The following ACOXL variants were observed in gnomAD, a reference collection of about 807,000 sequenced individuals.
ACOXL encodes acyl-CoA oxidase like.
A neutral mutation model predicts 71.9 loss-of-function variants in ACOXL; 70 were observed. The ratio of observed to expected loss-of-function variants is 0.97; its 90% confidence interval spans 0.80 to 1.19. The LOEUF is 1.19. Among genes scored for constraint, ACOXL ranks in the 50% most tolerant of loss-of-function variants. ACOXL has a pLI of 0.00. For synonymous variants in ACOXL, 253 were observed against 281.6 expected (o/e 0.90, Z 1.02); for missense variants, 703 against 736.3 (o/e 0.95, Z 0.52).
At chr2:110,904,233 G>T (rs900557) in intron 10 of ACOXL, among the ~76,000 whole-genome samples, 45,329 of 152,058 alleles carry the variant, frequency 0.3, 7,346 homozygotes, top group Middle Eastern at 0.37. Flanking sequence ...GGTGGAATGG[G>T]CTATTGGGCA....
chr2:111,117,255 A>G (rs1046277820), intron 17 of ACOXL, among the ~76,000 whole-genome samples: 4 of 152,160 alleles, frequency 2.6e-5, no homozygotes, highest in African/African-American at 7.2e-5. Context: ...GCAAAGAGAG[A>G]GGAGCGGAGG....
intron 12 of ACOXL, among the ~76,000 whole-genome samples, chr2:110,945,242 C>G (rs527346849): frequency 1.5e-4 from 23 of 151,958 alleles, no homozygotes; most frequent in African/African-American, 4.8e-4. Flanking sequence ...GATGTTAGAC[C>G]TTTGTTGAAT....
intron 10 of ACOXL, among the ~76,000 whole-genome samples, chr2:110,891,788 C>T (rs1228372496): frequency 6.6e-6 from 1 of 151,922 alleles, no homozygotes; most frequent in Non-Finnish European, 1.5e-5. Context: ...TGTTTTTGAG[C>T]AAAGTTCAGA....
At chr2:110,931,985 C>T (rs2149335390) in intron 11 of ACOXL, among the ~76,000 whole-genome samples, 1 of 152,278 alleles carries the variant, frequency 6.6e-6, no homozygotes, top group South Asian at 2.1e-4. Flanking sequence ...ATTTTCATAA[C>T]AGTTTTATTT....
rs569680414 is a variant in ACOXL at position 110,981,324 on chromosome 2, C to T, written c.1060-5784C>T. ...AGTGAGCTGAGATCGCACCACTGCA[C>T]TCCTGCCTGGGCGACAGAGTGAAAC... On this transcript the variant is annotated intron_variant, in intron 12 of 17. Transcript: ENST00000439055. 3.4e-4 allele frequency among the ~76,000 whole-genome samples: 52 copies of T among 152,344 alleles called. No individual in the cohort carries two copies. In the South Asian group the frequency reaches 0.011, roughly 32 times the overall value.
At chr2:110,865,204 C>T (rs147568893) in intron 10 of ACOXL, among the ~76,000 whole-genome samples, 7 of 152,282 alleles carry the variant, frequency 4.6e-5, no homozygotes, top group African/African-American at 1.7e-4. Flanking sequence ...AGTGCAACTG[C>T]ATGTTTTCAC....
intron 16 of ACOXL, among the ~76,000 whole-genome samples, chr2:111,071,963 T>G (rs2067362523): frequency 6.6e-6 from 1 of 152,092 alleles, no homozygotes; most frequent in South Asian, 2.1e-4. Flanking sequence ...GCCTAATAAT[T>G]ATACCAACAG....
chr2:111,111,931 A>G (rs2069995026), intron 17 of ACOXL, among the ~76,000 whole-genome samples: 1 of 152,236 alleles, frequency 6.6e-6, no homozygotes, highest in South Asian at 2.1e-4. Flanking sequence ...GACATTGTCA[A>G]AATACTTAGT....
intron 12 of ACOXL, among the ~76,000 whole-genome samples, chr2:110,944,842 A>G (rs1369056759): frequency 6.6e-6 from 1 of 152,208 alleles, no homozygotes; most frequent in Non-Finnish European, 1.5e-5. Context: ...AATGATTTAT[A>G]TTTATTTGGA....
intron 9 of ACOXL, among the ~76,000 whole-genome samples, chr2:110,815,609 T>C (rs1044132362): frequency 6.6e-6 from 1 of 152,212 alleles, no homozygotes; most frequent in Non-Finnish European, 1.5e-5. Flanking sequence ...TGTGAAGATA[T>C]GTGGCTTTTC....
chr2:110,863,776 A>G (rs1263916772), intron 10 of ACOXL, among the ~76,000 whole-genome samples: 2 of 151,820 alleles, frequency 1.3e-5, no homozygotes, highest in Non-Finnish European at 2.9e-5. Context: ...CTGTGGGGGG[A>G]GGGTGCATAT....
intron 11 of ACOXL, 115 bp downstream of exon 11, chr2:110,909,020 C>A: frequency 2.5e-6 from 2 of 792,386 alleles, no homozygotes; most frequent in South Asian, 4.6e-5. Context: ...AGGAAAGAGT[C>A]TGTTGTTAAA....
intron 14 of ACOXL, chr2:111,017,809 G>A (rs536649662): frequency 1.3e-5 from 2 of 152,370 alleles, no homozygotes; most frequent in Admixed American, 6.5e-5. Context: ...GTTAGGTAGT[G>A]TGGTTCTGGT....
chr2:110,805,461 C>T, intron 9 of ACOXL, 66 bp downstream of exon 9: 1 of 1,598,958 alleles, frequency 6.3e-7, no homozygotes. Flanking sequence ...GGATGAGTAA[C>T]AATTCCAGGA....
intron 12 of ACOXL, among the ~76,000 whole-genome samples, chr2:110,937,184 A>G (rs764265191): frequency 6.6e-6 from 1 of 152,092 alleles, no homozygotes; most frequent in Non-Finnish European, 1.5e-5. Flanking sequence ...GAGGGCGATA[A>G]AAGCTGTGAG....
chr2:110,784,938 A>G, intron 3 of ACOXL, 123 bp downstream of exon 3: 2 of 727,616 alleles, frequency 2.7e-6, no homozygotes, highest in African/African-American at 3.7e-5. Flanking sequence ...GTAAAATTGC[A>G]TACCTCAAAA....
Position 110,785,770 on chromosome 2 carries a change from C to T in ACOXL, c.159+955C>T, listed in dbSNP as rs117815529. Reference sequence around the variant, plus strand: ...GTGTTGAACATGGGTAAAATCTTCCCTTAGGTATTCAACTAGGAATGGAAT... The same window carrying T: ...GTGTTGAACATGGGTAAAATCTTCCTTTAGGTATTCAACTAGGAATGGAAT... On this transcript the variant is annotated intron_variant, in intron 3 of 17. Coordinates refer to ENST00000439055, the MANE Select transcript of ACOXL (RefSeq NM_001142807.4). Among the ~76,000 whole-genome samples, 632 of 152,168 alleles carry T rather than the reference C, an allele frequency of 4.2e-3. 23 individuals carry two copies. In the East Asian group the frequency reaches 0.093, roughly 22 times the overall value.
At chr2:110,892,949 G>GTTGGTAGATTTTTTCCCATA (rs1209711576) in intron 10 of ACOXL, among the ~76,000 whole-genome samples, 2 of 152,194 alleles carry the variant, frequency 1.3e-5, no homozygotes, top group African/African-American at 4.8e-5. Context: ...AGTTAACTAT[G>GTTGGTAGATTTTTTCCCATA]TTGGTAGATT....
At chr2:111,081,833 C>T (rs532777060) in intron 16 of ACOXL, among the ~76,000 whole-genome samples, 26 of 152,108 alleles carry the variant, frequency 1.7e-4, no homozygotes, top group African/African-American at 6.0e-4. Context: ...ATATATAGAC[C>T]AATGGAACAG....
Sources: gnomAD v4.1 joint callset for allele counts (sites outside exome capture counted in the v4.1 genomes callset) on GRCh38, gnomAD v4.1.1 for gene constraint, MANE v1.5 for transcripts, NCBI Gene and HGNC (gene_info 2026-07-23, HGNC 2026-07-21) for gene names.